The following MAGI2 variants were observed in gnomAD, a reference collection of about 807,000 sequenced individuals.
MAGI2 encodes membrane associated guanylate kinase, WW and PDZ domain containing 2, also known as membrane-associated guanylate kinase, WW and PDZ domain-containing protein 2.
A neutral mutation model predicts 133.3 loss-of-function variants in MAGI2; 35 were observed. That is an observed-to-expected ratio of 0.26 (90% CI 0.20 to 0.35). The LOEUF (loss-of-function observed/expected upper bound fraction) is 0.35, where lower values mean the gene tolerates loss of function less well. MAGI2 is among the 10% of genes least tolerant of loss of function. MAGI2 has a pLI of 1.00. For missense variants in MAGI2, 1,636 were observed against 1,863.4 expected, an observed-to-expected ratio of 0.88 and a Z score of 2.25; for synonymous variants, 729 against 710.6, an observed-to-expected ratio of 1.03 and a Z score of -0.41.
intron 20 of MAGI2, among the ~76,000 whole-genome samples, chr7:78,113,863 C>G (rs771011420): frequency 6.6e-6 from 1 of 152,196 alleles, no homozygotes; most frequent in Non-Finnish European, 1.5e-5. Flanking sequence ...GCACTTTACC[C>G]TTCCTGGAAA....
At chr7:78,966,521 G>T (rs1422391439) in intron 2 of MAGI2, among the ~76,000 whole-genome samples, 1 of 151,940 alleles carries the variant, frequency 6.6e-6, no homozygotes, top group Non-Finnish European at 1.5e-5. Context: ...CTTTTTTAAG[G>T]CTTAATAAAT....
intron 9 of MAGI2, among the ~76,000 whole-genome samples, chr7:78,316,725 CTCTT>C (rs551276062): frequency 1.7e-3 from 265 of 152,222 alleles, no homozygotes; most frequent in Non-Finnish European, 2.9e-3. Flanking sequence ...AAATGTGAAA[CTCTT>C]TATTAAGCAC....
intron 1 of MAGI2, among the ~76,000 whole-genome samples, chr7:79,101,066 G>C (rs2129543201): frequency 6.6e-6 from 1 of 151,964 alleles, no homozygotes; most frequent in African/African-American, 2.4e-5. Flanking sequence ...ATCTGACAAA[G>C]CAAAAGCTCT....
At chr7:78,268,156 TA>T (rs1461450780) in intron 9 of MAGI2, among the ~76,000 whole-genome samples, 1 of 152,100 alleles carries the variant, frequency 6.6e-6, no homozygotes, top group African/African-American at 2.4e-5. Flanking sequence ...TCTTGCTTTT[TA>T]AACTAAATCT....
intron 9 of MAGI2, among the ~76,000 whole-genome samples, chr7:78,282,787 CAAGCT>C (rs1485900427): frequency 6.6e-6 from 1 of 151,926 alleles, no homozygotes; most frequent in Non-Finnish European, 1.5e-5. Flanking sequence ...CTATTGATTT[CAAGCT>C]TTGTTGACTT....
intron 2 of MAGI2, among the ~76,000 whole-genome samples, chr7:78,680,064 CATAAA>C (rs1178655766): frequency 6.6e-6 from 1 of 152,030 alleles, no homozygotes; most frequent in African/African-American, 2.4e-5. Context: ...CAAATAGAGA[CATAAA>C]ATAAAAACAA....
At chr7:78,522,384 A>T (rs1343313555) in intron 3 of MAGI2, among the ~76,000 whole-genome samples, 2 of 152,132 alleles carry the variant, frequency 1.3e-5, no homozygotes, top group African/African-American at 4.8e-5. Flanking sequence ...CATCTTTATT[A>T]TTTCATTTTA....
intron 1 of MAGI2, among the ~76,000 whole-genome samples, chr7:79,122,175 C>G (rs1184091315): frequency 1.3e-5 from 2 of 152,196 alleles, no homozygotes; most frequent in African/African-American, 4.8e-5. Context: ...TTATACCCCT[C>G]TGCTTTACTA....
intron 6 of MAGI2, among the ~76,000 whole-genome samples, chr7:78,464,616 A>C (rs1790420685): frequency 6.6e-6 from 1 of 152,204 alleles, no homozygotes. Context: ...GAACAATATT[A>C]ATCTACAGGC....
chr7:78,647,212 A>T (rs554059241), intron 2 of MAGI2, among the ~76,000 whole-genome samples: 19 of 152,322 alleles, frequency 1.2e-4, no homozygotes, highest in African/African-American at 4.3e-4. Context: ...AGGCAAGTGA[A>T]CCTACAGAAT....
intron 2 of MAGI2, among the ~76,000 whole-genome samples, chr7:78,894,416 A>C (rs1000713645): frequency 1.3e-5 from 2 of 152,178 alleles, no homozygotes; most frequent in African/African-American, 4.8e-5. Context: ...AACAAAAAAA[A>C]ACTTTTATTC....
At chr7:78,369,858 A>G (rs1793747885) in intron 6 of MAGI2, among the ~76,000 whole-genome samples, 1 of 152,078 alleles carries the variant, frequency 6.6e-6, no homozygotes, top group Admixed American at 6.6e-5. Flanking sequence ...ACATTAAAAA[A>G]AATCAACAAT....
At chr7:78,820,696 C>T (rs1790019951) in intron 2 of MAGI2, among the ~76,000 whole-genome samples, 1 of 151,764 alleles carries the variant, frequency 6.6e-6, no homozygotes. Context: ...TTTCTAGAGG[C>T]AATTAAAGTC....
intron 2 of MAGI2, among the ~76,000 whole-genome samples, chr7:78,849,558 G>T (rs1038456961): frequency 3.3e-5 from 5 of 152,024 alleles, no homozygotes; most frequent in African/African-American, 1.2e-4. Context: ...GGAAAAAAAT[G>T]GTTAGAGTGA....
intron 20 of MAGI2, among the ~76,000 whole-genome samples, chr7:78,100,019 T>G (rs1583896111): frequency 6.6e-6 from 1 of 152,216 alleles, no homozygotes; most frequent in East Asian, 1.9e-4. Context: ...TTTCCCATAG[T>G]ATACATCTGA....
At chr7:78,285,013 G>A (rs950041857) in intron 9 of MAGI2, among the ~76,000 whole-genome samples, 1 of 152,138 alleles carries the variant, frequency 6.6e-6, no homozygotes, top group Admixed American at 6.6e-5. Flanking sequence ...AATAAGGGCT[G>A]GTCAACTGGC....
At chr7:79,168,889 G>GAT (rs1182056135) in intron 1 of MAGI2, among the ~76,000 whole-genome samples, 1,573 of 13,518 alleles carry the variant, frequency 0.12, 13 homozygotes, top group East Asian at 0.18. Context: ...TCTAAAGATA[G>GAT]ATATATATAT....
intron 10 of MAGI2, chr7:78,255,609 G>A (rs1236408961): frequency 2.0e-6 from 1 of 503,864 alleles, no homozygotes; most frequent in Admixed American, 3.9e-5. Context: ...TGGGAAACCA[G>A]TTTGAGTTCT....
At chr7:78,456,645 A>G (rs1246895446) in intron 6 of MAGI2, among the ~76,000 whole-genome samples, 1 of 152,190 alleles carries the variant, frequency 6.6e-6, no homozygotes, top group South Asian at 2.1e-4. Flanking sequence ...TACAATAACT[A>G]TATCAACAGG....
Sources: allele counts gnomAD v4.1 joint callset (sites outside exome capture counted in the v4.1 genomes callset), GRCh38; gene constraint gnomAD v4.1.1; transcripts MANE v1.5; gene names NCBI Gene and HGNC (gene_info 2026-07-23, HGNC 2026-07-21).